The following PCIF1 variants were observed in gnomAD, a reference collection of about 807,000 sequenced individuals.
PCIF1 encodes the protein phosphorylated CTD interacting factor 1.
Under a neutral mutation model 86.9 loss-of-function variants are expected in PCIF1, and 12 were observed. The observed-to-expected ratio is 0.14, with a 90% CI of 0.09 to 0.22. PCIF1 has a LOEUF of 0.22. Among genes scored for constraint, PCIF1 ranks in the 10% least tolerant of loss-of-function variants. PCIF1 has a pLI of 1.00. For missense variants in PCIF1, 701 were observed against 951.1 expected (o/e 0.74, Z 3.46); for synonymous variants, 397 against 372.0 (o/e 1.07, Z -0.77).
At position 45,941,119 on chromosome 20, in the gene PCIF1, G is replaced by T; in HGVS notation, c.585G>T (p.Leu195=). 6.2e-7 allele frequency: 1 copy of T among 1,614,224 alleles called. No individual in the cohort carries two copies. Among genetic ancestry groups the T allele is most frequent in the Non-Finnish European group, 8.5e-7 (1 of 1,180,046 alleles). Reference sequence around the variant, plus strand: ...AGCACCGGGGGCCTTCAGAGGTGCTGCCCCCGCATCCCGAAGTGGAACTGC... The same window carrying T: ...AGCACCGGGGGCCTTCAGAGGTGCTTCCCCCGCATCCCGAAGTGGAACTGC... The part of the protein sequence containing the change: ...VIKHRGPSEV[L]PPHPEVELLR... Residue 195 remains leucine (L), a synonymous_variant, in exon 7 of 17, where the codon CTG becomes CTT. Coordinates refer to ENST00000372409, the MANE Select transcript of PCIF1 (RefSeq NM_022104.4).
chr20:45,938,919 G>A, intron 2 of PCIF1, 62 bp from the exon 3 acceptor site: 1 of 1,588,078 alleles, frequency 6.3e-7, no homozygotes, highest in Non-Finnish European at 8.6e-7. Context: ...TGGGGCCCTG[G>A]GTGGATTGTA....
At position 45,941,041 on chromosome 20, in the gene PCIF1, C is replaced by T; in HGVS notation, c.519-12C>T. The T allele has an allele frequency of 6.2e-7, 1 of 1,614,204 alleles. No individual in the cohort carries two copies. Among genetic ancestry groups the T allele is most frequent in the Non-Finnish European group, 8.5e-7 (1 of 1,180,032 alleles). On this transcript the variant is annotated splice_polypyrimidine_tract_variant and intron_variant, in intron 6 of 16. Coordinates refer to ENST00000372409, the MANE Select transcript of PCIF1 (RefSeq NM_022104.4). ...GGCAGGACATCCTCATCACTCCTCT[C>T]TGTGCCCCAAGGGTCTACTGGGACC...
chr20:45,940,346 G>C (rs2145864280), intron 4 of PCIF1, 129 bp from the exon 5 acceptor site: 1 of 1,214,330 alleles, frequency 8.2e-7, no homozygotes, highest in East Asian at 2.8e-5. Context: ...AGTGTTCTCT[G>C]CCTGTATCCC....
intron 4 of PCIF1, 131 bp downstream of exon 4, chr20:45,939,470 C>A: frequency 1.5e-6 from 2 of 1,323,416 alleles, no homozygotes; most frequent in East Asian, 2.4e-5. Context: ...ACAAGCAAGA[C>A]AGACACAGCC....
At position 45,943,902 on chromosome 20, in the gene PCIF1, A is replaced by AT. The variant is rs1231729044; in HGVS notation, c.1005+139dup. On this transcript the variant is annotated intron_variant, in intron 10 of 16. Coordinates refer to ENST00000372409, the MANE Select transcript of PCIF1 (RefSeq NM_022104.4). The surrounding 1 kb of genome is among the most constrained non-coding windows in gnomAD (Gnocchi z 5.5). ...TTGTGCAGTATGGCAGACGTTCGACATTCGTCAGTCCCCAAACTCATGACT... is the reference window on the plus strand; with the variant it reads ...TTGTGCAGTATGGCAGACGTTCGACATTTCGTCAGTCCCCAAACTCATGACT... 4.7e-6 allele frequency: 3 copies of AT among 634,650 alleles called. No homozygotes were observed. The highest frequency in any genetic ancestry group is 3.6e-5 in the African/African-American group (2 of 54,810). 39.3% of individuals were successfully genotyped at this position (634,650 alleles called of 1,614,324 possible).
intron 4 of PCIF1, 32 bp from the exon 5 acceptor site, chr20:45,940,443 T>G: frequency 6.4e-7 from 1 of 1,564,858 alleles, no homozygotes; most frequent in Non-Finnish European, 8.7e-7. Context: ...CCGCTGGCCC[T>G]GGTTGCAACT....
chr20:45,941,237 A>G (rs1568792996), intron 7 of PCIF1, 30 bp downstream of exon 7: 4 of 1,561,898 alleles, frequency 2.6e-6, no homozygotes, highest in Non-Finnish European at 3.5e-6. Context: ...AGCCTCCTTT[A>G]TTTCCACCCA....
chr20:45,947,981 CTTGT>C lies in PCIF1; in HGVS notation c.*229_*232del. 8 of 1,525,246 alleles carry C rather than the reference CTTGT, an allele frequency of 5.2e-6. No homozygotes were observed. The highest frequency in any genetic ancestry group is 6.1e-6 in the Non-Finnish European group (7 of 1,139,722). 94.5% of individuals were successfully genotyped at this position (1,525,246 alleles called of 1,614,324 possible). ...ACCCCGCCCCTCACCCTGTTGCCAC[CTTGT>C]TTCATTTGTAAAAGGAAATACAGAA... On this transcript the variant is annotated 3_prime_UTR_variant, in exon 17 of 17. Transcript: ENST00000372409. This position sits in a 1 kb window ranked among gnomAD's most constrained non-coding sequence, Gnocchi z 5.4.
chr20:45,944,088 C>T (rs978520254), intron 10 of PCIF1, among the ~76,000 whole-genome samples: 2 of 152,204 alleles, frequency 1.3e-5, no homozygotes, highest in African/African-American at 4.8e-5. Context: ...GATTGACAGC[C>T]TGCTTTTTTT....
Position 45,939,056 on chromosome 20 carries a change from C to G in PCIF1, c.57C>G (p.Ser19=). 6.2e-7 allele frequency: 1 copy of G among 1,614,006 alleles called. No homozygotes were observed. The highest frequency in any genetic ancestry group is 8.5e-7 in the Non-Finnish European group (1 of 1,179,976). ...PREEASLLSH[S]PGTSNQSQPC... ...AGGAAGCGTCCCTGCTGAGTCACTC[C>G]CCAGGTACCTCCAATCAGAGCCAGC... The change falls in exon 3 of 17, where the codon TCC becomes TCG. Residue 19 remains serine (S), a synonymous_variant. Coordinates refer to ENST00000372409, the MANE Select transcript of PCIF1 (RefSeq NM_022104.4).
chr20:45,936,689 A>T (rs557977475), intron 1 of PCIF1, among the ~76,000 whole-genome samples: 1 of 151,730 alleles, frequency 6.6e-6, no homozygotes, highest in East Asian at 2.0e-4. Flanking sequence ...CCAGCACTTT[A>T]GGAGGCCCAG....
At position 45,945,890 on chromosome 20, in the gene PCIF1, G is replaced by A. The variant is rs1257703216; in HGVS notation, c.1341+7G>A. ...CAACTACTTCAGCAAGCTGGTAAGA[G>A]CTGCGGGGAGGAAGGCCCTAGCTGA... On this transcript the variant is annotated splice_region_variant and intron_variant, in intron 12 of 16. Coordinates refer to ENST00000372409, the MANE Select transcript of PCIF1 (RefSeq NM_022104.4). The A allele has an allele frequency of 1.2e-6, 2 of 1,613,684 alleles. No individual in the cohort carries two copies. Among genetic ancestry groups the A allele is most frequent in the African/African-American group, 1.3e-5 (1 of 74,936 alleles).
At chr20:45,940,404 T>G in intron 4 of PCIF1, 71 bp from the exon 5 acceptor site, 15 of 1,485,134 alleles carry the variant, frequency 1.0e-5, no homozygotes, top group Non-Finnish European at 1.1e-5. Context: ...TGGGAGGGCG[T>G]GAGGATTCAA....
chr20:45,947,394 C>T lies in PCIF1; in HGVS notation c.1839C>T (p.Ala613=), dbSNP rs749848021. Residue 613 remains alanine, a synonymous_variant, in exon 16 of 17, where the codon GCC becomes GCT. Coordinates refer to ENST00000372409, the MANE Select transcript of PCIF1 (RefSeq NM_022104.4). This position sits in a 1 kb window ranked among gnomAD's most constrained non-coding sequence, Gnocchi z 5.4. ...AACGCCACCAGTTGATCCTGCCTGC[C>T]TTTGAGCATGAGTACCGCAGTGGCT... ...RFKRHQLILP[A]FEHEYRSGSQ... The T allele has an allele frequency of 7.4e-6, 12 of 1,614,088 alleles. No homozygotes were observed. The South Asian group carries it at 8.8e-5, about 12-fold the overall frequency.
At chr20:45,936,434 C>T (rs141898464) in intron 1 of PCIF1, among the ~76,000 whole-genome samples, 2,034 of 150,588 alleles carry the variant, frequency 0.014, 50 homozygotes, top group African/African-American at 0.047. Context: ...CGTGATCCGC[C>T]CATCTGGGCC....
In PCIF1 at chr20:45,934,691, C is replaced by A; in HGVS notation, c.-301C>A. 1 of 398,578 alleles carries A rather than the reference C, an allele frequency of 2.5e-6. No homozygotes were observed. The highest frequency in any genetic ancestry group is 3.6e-5 in the East Asian group (1 of 28,052). The allele number at this position is 398,578 out of a possible 1,614,324, so 24.7% of individuals were successfully genotyped here. A position where few individuals can be genotyped will look rare whatever the true frequency, so the allele number is the denominator to read the frequency against. ...ACCAGCGCATGCGCAGCGCGGAGTC[C>A]CGGCCCGGGACACAAGATGGCGGCA... On this transcript the variant is annotated 5_prime_UTR_variant, in exon 1 of 17. Transcript: ENST00000372409.
rs767894346 is a variant in PCIF1 at position 45,943,631 on chromosome 20, C to T, written c.906-35C>T. 3.3e-6 allele frequency: 5 copies of T among 1,536,106 alleles called. No individual in the cohort carries two copies. The highest frequency in any genetic ancestry group is 4.4e-6 in the Non-Finnish European group (5 of 1,132,886). ...TTGGGATGAGGAGGGTGGAGCCAAG[C>T]CATTCCTTTCTTCTGCCCTCCCCTT... is the stretch of plus-strand genomic sequence containing the variant. On this transcript the variant is annotated intron_variant, in intron 9 of 16. Coordinates refer to ENST00000372409, the MANE Select transcript of PCIF1 (RefSeq NM_022104.4). The surrounding 1 kb of genome is among the most constrained non-coding windows in gnomAD (Gnocchi z 5.5).
chr20:45,935,223 T>A (rs914937341), intron 1 of PCIF1, among the ~76,000 whole-genome samples: 1 of 150,786 alleles, frequency 6.6e-6, no homozygotes, highest in Admixed American at 6.6e-5. Context: ...GGAGCTCGCC[T>A]CTCGCCTTCG....
rs910887781 is a variant in PCIF1, at chr20:45,947,967, C to T, written c.*212C>T. ...CTGATGCCTTCCCAACCCCGCCCCTCACCCTGTTGCCACCTTGTTTCATTT... is the reference window on the plus strand; with the variant it reads ...CTGATGCCTTCCCAACCCCGCCCCTTACCCTGTTGCCACCTTGTTTCATTT... On this transcript the variant is annotated 3_prime_UTR_variant, in exon 17 of 17. Transcript: ENST00000372409. This position sits in a 1 kb window ranked among gnomAD's most constrained non-coding sequence, Gnocchi z 5.4. The T allele has an allele frequency of 1.3e-6, 2 of 1,530,626 alleles. No individual in the cohort carries two copies. Among genetic ancestry groups the T allele is most frequent in the Admixed American group, 4.0e-5 (2 of 50,600 alleles). 94.8% of individuals were successfully genotyped at this position (1,530,626 alleles called of 1,614,324 possible).
Sources: gnomAD v4.1 joint callset for allele counts (sites outside exome capture counted in the v4.1 genomes callset) on GRCh38, gnomAD v4.1.1 for gene constraint, Gnocchi (gnomAD v3.1) non-coding constraint, MANE v1.5 for transcripts, NCBI Gene and HGNC (gene_info 2026-07-23, HGNC 2026-07-21) for gene names.